SLC39A10: variants seen among roughly 807,000 people sequenced by gnomAD.
SLC39A10 encodes solute carrier family 39 member 10, also known as zinc transporter ZIP10.
A neutral mutation model predicts 65.1 loss-of-function variants in SLC39A10; 13 were observed. That is an observed-to-expected ratio of 0.20 (90% confidence interval 0.13 to 0.32). SLC39A10 has a LOEUF of 0.32. SLC39A10 is among the 10% of genes least tolerant of loss of function. SLC39A10 has a pLI of 1.00. For missense variants in SLC39A10, 831 were observed against 1,018.4 expected (o/e 0.82, Z 2.50); for synonymous variants, 321 against 342.2 (o/e 0.94, Z 0.68).
chr2:195,735,147 T>A lies in SLC39A10; in HGVS notation c.*106T>A. 1 of 1,196,074 alleles carries A rather than the reference T, an allele frequency of 8.4e-7. No individual in the cohort carries two copies. The highest frequency in any genetic ancestry group is 1.1e-6 in the Non-Finnish European group (1 of 871,480). 74.1% of individuals were successfully genotyped at this position (1,196,074 alleles called of 1,614,324 possible). A position where few individuals can be genotyped will look rare whatever the true frequency, so the allele number is the denominator to read the frequency against. ...TCAAAGGAAAGTCAGTGGCTTGCAC[T>A]ACTTACAAGTTTCATAGATTTGAGC... On this transcript the variant is annotated 3_prime_UTR_variant, in exon 10 of 10. Coordinates refer to ENST00000359634, the MANE Select transcript of SLC39A10 (RefSeq NM_020342.3).
intron 1 of SLC39A10, among the ~76,000 whole-genome samples, chr2:195,662,837 C>T (rs1689459970): frequency 6.6e-6 from 1 of 152,154 alleles, no homozygotes; most frequent in African/African-American, 2.4e-5. Flanking sequence ...TGTGTATTGT[C>T]TATAGCTGCT....
At chr2:195,722,202 G>C (rs1211429114) in intron 8 of SLC39A10, among the ~76,000 whole-genome samples, 1 of 152,210 alleles carries the variant, frequency 6.6e-6, no homozygotes, top group Non-Finnish European at 1.5e-5. Flanking sequence ...ACTGCTATGA[G>C]AAGATATGTC....
intron 1 of SLC39A10, among the ~76,000 whole-genome samples, chr2:195,664,456 T>C (rs1189550900): frequency 1.3e-5 from 2 of 152,054 alleles, no homozygotes; most frequent in African/African-American, 4.8e-5. Context: ...GCAGAAACCT[T>C]AATAAGTTTC....
At chr2:195,667,696 T>G (rs1057324448) in intron 1 of SLC39A10, among the ~76,000 whole-genome samples, 3 of 152,238 alleles carry the variant, frequency 2.0e-5, no homozygotes, top group African/African-American at 7.2e-5. Flanking sequence ...GGTGGATAAG[T>G]GTAGGTATTA....
intron 1 of SLC39A10, among the ~76,000 whole-genome samples, chr2:195,678,739 C>T (rs573265119): frequency 9.9e-5 from 15 of 152,078 alleles, no homozygotes; most frequent in Middle Eastern, 3.4e-3. Context: ...ACTTGAAATA[C>T]AGTTAGACTG....
chr2:195,713,449 T>G lies in SLC39A10; in HGVS notation c.1592T>G (p.Phe531Cys). 1 of 1,560,910 alleles carries G rather than the reference T, an allele frequency of 6.4e-7. No individual in the cohort carries two copies. The highest frequency in any genetic ancestry group is 8.6e-7 in the Non-Finnish European group (1 of 1,163,400). ...TTTTTTTAGGGAAAACAGAAATGGT[T>G]TATGAAACAGAACACAGAAGAATCA... ...YKQQRGKQKW[F>C]MKQNTEESTI... The change falls in exon 6 of 10, where the codon TTT becomes TGT. Residue 531 changes from phenylalanine (F) to cysteine (C), a missense_variant. By Grantham distance (205) the Phe-to-Cys change is radical (BLOSUM62 -2). Transcript: ENST00000359634.
chr2:195,647,599 T>TC (rs1233275437), intron 2 of SLC39A10, among the ~76,000 whole-genome samples: 2 of 151,818 alleles, frequency 1.3e-5, no homozygotes, highest in Non-Finnish European at 2.9e-5. Flanking sequence ...CCTGAGTGTA[T>TC]CCCCAAATTT....
chr2:195,663,005 C>G (rs1689467509), intron 1 of SLC39A10, among the ~76,000 whole-genome samples: 1 of 152,116 alleles, frequency 6.6e-6, no homozygotes. Flanking sequence ...CTTTATTATG[C>G]TTGGAGTCGG....
chr2:195,642,421 A>G (rs80270283), intron 2 of SLC39A10, among the ~76,000 whole-genome samples: 25,301 of 152,184 alleles, frequency 0.17, 2,250 homozygotes, highest in Middle Eastern at 0.27. Flanking sequence ...CCCCTGAGGA[A>G]CACAGCAGAA....
intron 8 of SLC39A10, among the ~76,000 whole-genome samples, chr2:195,720,560 G>C (rs1001240761): frequency 6.6e-6 from 1 of 152,312 alleles, no homozygotes; most frequent in Admixed American, 6.5e-5. Context: ...TAATTGTCTT[G>C]ATTTGTAGTA....
intron 3 of SLC39A10, among the ~76,000 whole-genome samples, chr2:195,699,445 C>T (rs1453903530): frequency 6.6e-6 from 1 of 151,898 alleles, no homozygotes; most frequent in African/African-American, 2.4e-5. Context: ...TTTCCCTTAG[C>T]ACTAGTTTAG....
intron 1 of SLC39A10, among the ~76,000 whole-genome samples, chr2:195,669,147 T>C (rs545953710): frequency 8.5e-5 from 13 of 152,284 alleles, no homozygotes; most frequent in African/African-American, 3.1e-4. Context: ...TTAGTATTTA[T>C]CTGCTATTTT....
intron 3 of SLC39A10, among the ~76,000 whole-genome samples, chr2:195,698,770 G>A (rs1319205152): frequency 6.6e-6 from 1 of 151,594 alleles, no homozygotes; most frequent in Non-Finnish European, 1.5e-5. Context: ...GTCTGTAGTT[G>A]TCATTTCTTG....
At chr2:195,684,440 C>G (rs1446669813) in intron 3 of SLC39A10, among the ~76,000 whole-genome samples, 1 of 152,038 alleles carries the variant, frequency 6.6e-6, no homozygotes, top group Non-Finnish European at 1.5e-5. Context: ...TTTTAAATTT[C>G]TCTTAGGCTC....
At position 195,618,028 on chromosome 2, in the gene SLC39A10, C is replaced by T. The variant is rs113419833; in HGVS notation, c.-12+11795C>T. On this transcript the variant is annotated intron_variant, in intron 2 of 2. Coordinates refer to the SLC39A10 transcript ENST00000458054. Reference sequence around the variant, plus strand: ...TGCTGGGATTACAGGCGTGAGCCACCTCGCCCGGCCTTGTCTCTATTTTAA... The same window carrying T: ...TGCTGGGATTACAGGCGTGAGCCACTTCGCCCGGCCTTGTCTCTATTTTAA... 1.0e-2 allele frequency among the ~76,000 whole-genome samples: 1,481 copies of T among 148,798 alleles called. 25 individuals are homozygous for T. The highest frequency in any genetic ancestry group is 0.034 in the African/African-American group (1,370 of 40,582).
intron 1 of SLC39A10, among the ~76,000 whole-genome samples, chr2:195,662,253 T>C (rs1330608971): frequency 1.3e-5 from 2 of 151,726 alleles, no homozygotes; most frequent in African/African-American, 2.4e-5. Flanking sequence ...ATCAGAGATA[T>C]GTATCCTACT....
chr2:195,680,895 C>T lies in SLC39A10; in HGVS notation c.853C>T (p.Arg285Cys), dbSNP rs1261956724. 7 of 1,614,032 alleles carry T rather than the reference C, an allele frequency of 4.3e-6. No homozygotes were observed. The highest frequency in any genetic ancestry group is 2.2e-5 in the South Asian group (2 of 91,074). The change falls in exon 2 of 10, where the codon CGT becomes TGT. Residue 285 changes from arginine (R) to cysteine (C), a missense_variant. Arg to Cys is a radical substitution (Grantham distance 180). This residue lies in a region of SLC39A10 where 446 missense variants were observed against 499.2 expected (regional missense o/e 0.89). Coordinates refer to ENST00000359634, the MANE Select transcript of SLC39A10 (RefSeq NM_020342.3). Reference protein sequence around the residue: ...PGHSHVHLPERNGHDPGRGHQ... With the variant: ...PGHSHVHLPECNGHDPGRGHQ... The stretch of plus-strand genomic sequence containing the variant: ...TCATTCTCATGTACATCTTCCAGAA[C>T]GTAATGGTCATGATCCTGGTCGTGG...
chr2:195,629,451 A>T (rs1380233320), intron 2 of SLC39A10, among the ~76,000 whole-genome samples: 1 of 151,562 alleles, frequency 6.6e-6, no homozygotes. Flanking sequence ...CACACATCTT[A>T]CACAGTTTAT....
At chr2:195,629,380 C>A (rs1008799643) in intron 2 of SLC39A10, among the ~76,000 whole-genome samples, 25 of 141,806 alleles carry the variant, frequency 1.8e-4, no homozygotes, top group African/African-American at 6.2e-4. Context: ...GACGACAGAG[C>A]GAGATTCCTT....
Sources: gnomAD v4.1 joint callset for allele counts (sites outside exome capture counted in the v4.1 genomes callset) on GRCh38, gnomAD v4.1.1 for gene constraint, gnomAD v4.1.1 regional missense constraint, MANE v1.5 for transcripts, NCBI Gene and HGNC (gene_info 2026-07-23, HGNC 2026-07-21) for gene names.